The following VMP1 variants were observed in gnomAD, a reference collection of about 807,000 sequenced individuals.
The protein encoded by VMP1 is vacuole membrane protein 1, also known as ectopic P-granules autophagy protein 3 homolog.
VMP1 carries 11 observed loss-of-function variants against 56.0 expected under a neutral mutation model. The ratio of observed to expected loss-of-function variants is 0.20; its 90% confidence interval spans 0.12 to 0.32. VMP1 has a LOEUF of 0.32. VMP1 is among the 10% of genes least tolerant of loss of function. VMP1 has a pLI of 1.00. For missense variants in VMP1, 296 were observed against 490.3 expected (o/e 0.60, Z 3.74); for synonymous variants, 149 against 165.0 (o/e 0.90, Z 0.74).
Position 59,838,403 on chromosome 17 carries a change from A to G in VMP1, c.1077+6A>G. 1 of 1,614,004 alleles carries G rather than the reference A, an allele frequency of 6.2e-7. No homozygotes were observed. Among genetic ancestry groups the G allele is most frequent in the Non-Finnish European group, 8.5e-7 (1 of 1,179,926 alleles). ...GCGAAATGGGCACACCACAGGTAAG[A>G]CTTTAATCCGGTTTCTTCTCCCCTC... On this transcript the variant is annotated splice_donor_region_variant and intron_variant, in intron 11 of 11. Transcript: ENST00000262291.
At chr17:59,797,624 C>G (rs1021188607) in intron 7 of VMP1, among the ~76,000 whole-genome samples, 1 of 152,198 alleles carries the variant, frequency 6.6e-6, no homozygotes, top group South Asian at 2.1e-4. Context: ...CGCCTGTAAT[C>G]CCAGCACTTT....
chr17:59,747,356 A>G (rs1218560036), intron 5 of VMP1, among the ~76,000 whole-genome samples: 5 of 151,762 alleles, frequency 3.3e-5, no homozygotes, highest in African/African-American at 1.2e-4. Flanking sequence ...CCAGGAGTTT[A>G]AGACCAGCCT....
intron 7 of VMP1, among the ~76,000 whole-genome samples, chr17:59,794,133 G>A (rs181894019): frequency 1.1e-3 from 164 of 150,188 alleles, no homozygotes; most frequent in African/African-American, 3.9e-3. Flanking sequence ...TGTTAGCCAG[G>A]ATGGTCTCAA....
intron 10 of VMP1, among the ~76,000 whole-genome samples, chr17:59,835,933 G>A (rs1161721116): frequency 6.7e-6 from 1 of 148,966 alleles, no homozygotes; most frequent in Non-Finnish European, 1.5e-5. Context: ...TTTATTTCTA[G>A]TCTAAATGGA....
Position 59,715,704 on chromosome 17 carries a change from G to A in VMP1, c.-27+7956G>A, listed in dbSNP as rs150812182. Among the ~76,000 whole-genome samples the A allele has an allele frequency of 2.3e-3, 353 of 152,024 alleles. 2 individuals carry two copies. Among genetic ancestry groups the A allele is most frequent in the African/African-American group, 8.2e-3 (339 of 41,474 alleles). On this transcript the variant is annotated intron_variant, in intron 1 of 11. Coordinates refer to ENST00000262291, the MANE Select transcript of VMP1 (RefSeq NM_030938.5). ...ATAATTTATTTTCTTTCTTTATTTC[G>A]TTTTAGATTTTGCTTATATTTTGTT...
chr17:59,763,297 C>T (rs1001053842), intron 5 of VMP1, among the ~76,000 whole-genome samples: 2 of 151,876 alleles, frequency 1.3e-5, no homozygotes, highest in African/African-American at 4.8e-5. Context: ...TGTGAAATCT[C>T]TTGTGTGCAC....
intron 1 of VMP1, among the ~76,000 whole-genome samples, chr17:59,715,029 T>C (rs1322497126): frequency 6.6e-6 from 1 of 152,192 alleles, no homozygotes; most frequent in Admixed American, 6.5e-5. Context: ...ACTATCCTTT[T>C]ACCAATATCA....
chr17:59,792,716 G>T (rs1045731092), intron 7 of VMP1, among the ~76,000 whole-genome samples: 2 of 151,236 alleles, frequency 1.3e-5, no homozygotes, highest in African/African-American at 4.9e-5. Flanking sequence ...AATTAGCCGG[G>T]CACATGCCTG....
intron 5 of VMP1, 57 bp from the exon 6 acceptor site, chr17:59,764,914 G>A (rs1445695232): frequency 1.6e-6 from 2 of 1,273,940 alleles, no homozygotes; most frequent in Non-Finnish European, 2.1e-6. Flanking sequence ...TTAAAATAAT[G>A]TGTATTGATA....
chr17:59,745,123 A>G (rs1484741187), intron 5 of VMP1, among the ~76,000 whole-genome samples: 1 of 152,162 alleles, frequency 6.6e-6, no homozygotes. Flanking sequence ...TCCCTACCTT[A>G]CTGAACTCCA....
At chr17:59,746,636 T>C (rs193075166) in intron 5 of VMP1, among the ~76,000 whole-genome samples, 36 of 152,298 alleles carry the variant, frequency 2.4e-4, no homozygotes, top group Admixed American at 9.2e-4. Context: ...TGTAAATCGA[T>C]TTGAGTAAAG....
At chr17:59,752,354 C>T (rs1056160588) in intron 5 of VMP1, among the ~76,000 whole-genome samples, 4 of 152,100 alleles carry the variant, frequency 2.6e-5, no homozygotes, top group African/African-American at 7.2e-5. Flanking sequence ...AGTAGTACAC[C>T]GGAAGAGACA....
intron 5 of VMP1, among the ~76,000 whole-genome samples, chr17:59,745,873 A>G (rs138893353): frequency 2.0e-5 from 3 of 152,224 alleles, no homozygotes; most frequent in Non-Finnish European, 4.4e-5. Flanking sequence ...AAAAAATGTA[A>G]TTCATTATTT....
intron 6 of VMP1, among the ~76,000 whole-genome samples, chr17:59,772,718 G>A (rs1413720222): frequency 1.3e-5 from 2 of 151,608 alleles, no homozygotes; most frequent in East Asian, 2.0e-4. Flanking sequence ...GTGGTGAGCC[G>A]AGATCGTGCC....
chr17:59,734,539 C>G (rs892412959), intron 2 of VMP1, among the ~76,000 whole-genome samples: 3 of 152,074 alleles, frequency 2.0e-5, no homozygotes, highest in Non-Finnish European at 4.4e-5. Flanking sequence ...TTCAGATGAG[C>G]CCAGGCAACG....
At chr17:59,794,970 G>C (rs1011831967) in intron 7 of VMP1, among the ~76,000 whole-genome samples, 3 of 148,338 alleles carry the variant, frequency 2.0e-5, no homozygotes, top group African/African-American at 7.5e-5. Context: ...TAAACTAATC[G>C]TTGGCACTAA....
chr17:59,806,334 T>C (rs1427961354), intron 7 of VMP1, among the ~76,000 whole-genome samples: 1 of 152,164 alleles, frequency 6.6e-6, no homozygotes, highest in Non-Finnish European at 1.5e-5. Flanking sequence ...TATTTCACAT[T>C]TAATGCAATA....
chr17:59,817,730 A>C lies in VMP1; in HGVS notation c.931A>C (p.Thr311Pro). 2 of 1,606,614 alleles carry C rather than the reference A, an allele frequency of 1.2e-6. No homozygotes were observed. The change falls in exon 10 of 12, where the codon ACA (threonine) becomes CCA (proline). Residue 311 changes from threonine (T) to proline (P), a missense_variant. Around this residue, in one of 4 missense-constraint regions of VMP1, gnomAD observed 95 missense variants for 137.6 expected, o/e 0.69. Coordinates refer to ENST00000262291, the MANE Select transcript of VMP1 (RefSeq NM_030938.5). ...MHIQKIFVII[T>P]FSKHIVEQMV... The stretch of plus-strand genomic sequence containing the variant: ...TTTACAGAAAATTTTTGTTATAATA[A>C]CATTCAGCAAGCACATAGTGGAGCA...
intron 1 of VMP1, among the ~76,000 whole-genome samples, chr17:59,723,633 G>A (rs1365467136): frequency 6.6e-6 from 1 of 152,140 alleles, no homozygotes; most frequent in Non-Finnish European, 1.5e-5. Flanking sequence ...CAACTCTTTT[G>A]AGCACTGTTT....
Sources: gnomAD v4.1 joint callset for allele counts (sites outside exome capture counted in the v4.1 genomes callset) on GRCh38, gnomAD v4.1.1 for gene constraint, gnomAD v4.1.1 regional missense constraint, MANE v1.5 for transcripts, NCBI Gene and HGNC (gene_info 2026-07-23, HGNC 2026-07-21) for gene names.